The following DPP6 variants were observed in gnomAD, a reference collection of about 807,000 sequenced individuals.
The protein encoded by DPP6 is dipeptidyl peptidase like 6.
DPP6 carries 69 observed loss-of-function variants against 122.6 expected under a neutral mutation model. The ratio of observed to expected loss-of-function variants is 0.56; its 90% confidence interval spans 0.46 to 0.69. The LOEUF (loss-of-function observed/expected upper bound fraction) is 0.69, where lower values mean the gene tolerates loss of function less well. DPP6 is among the 30% of genes least tolerant of loss of function. DPP6 has a pLI of 0.00. For missense variants in DPP6, 928 were observed against 1,116.9 expected, an observed-to-expected ratio of 0.83 and a Z score of 2.41; for synonymous variants, 418 against 433.1, an observed-to-expected ratio of 0.97 and a Z score of 0.43.
the DPP6 span, among the ~76,000 whole-genome samples, chr7:153,815,011 G>C: frequency 6.6e-6 from 1 of 152,170 alleles, no homozygotes; most frequent in Admixed American, 6.5e-5. Context: ...CATACTGAAT[G>C]GACAAAAACT....
chr7:154,228,591 A>G (rs559255449), intron 1 of DPP6, among the ~76,000 whole-genome samples: 2 of 152,210 alleles, frequency 1.3e-5, no homozygotes, highest in South Asian at 4.1e-4. Flanking sequence ...CATTTTAGTA[A>G]GAACCTAAGA....
chr7:154,081,101 G>C (rs1350022406), intron 1 of DPP6, among the ~76,000 whole-genome samples: 6 of 151,990 alleles, frequency 3.9e-5, no homozygotes, highest in Non-Finnish European at 8.8e-5. Flanking sequence ...CAAGGGAAGA[G>C]GGTGTTGATG....
intron 1 of DPP6, among the ~76,000 whole-genome samples, chr7:154,395,319 A>G (rs1563599053): frequency 6.6e-6 from 1 of 152,206 alleles, no homozygotes; most frequent in Non-Finnish European, 1.5e-5. Context: ...TTGGGGGGAA[A>G]CAAACTTTCA....
intron 1 of DPP6, among the ~76,000 whole-genome samples, chr7:154,061,665 C>A (rs1235223271): frequency 1.4e-5 from 2 of 139,804 alleles, no homozygotes; most frequent in Admixed American, 7.0e-5. Context: ...GCCAACCCCT[C>A]TTCCCCCCCT....
intron 16 of DPP6, among the ~76,000 whole-genome samples, chr7:154,812,278 T>A (rs1310690267): frequency 3.9e-5 from 6 of 152,222 alleles, no homozygotes; most frequent in African/African-American, 7.2e-5. Flanking sequence ...GGCCTTCCAT[T>A]AGGACAGTTT....
At chr7:154,441,715 C>G (rs1371762150) in intron 1 of DPP6, among the ~76,000 whole-genome samples, 2 of 152,180 alleles carry the variant, frequency 1.3e-5, no homozygotes, top group East Asian at 3.9e-4. Flanking sequence ...ATTAAAGCGG[C>G]CTGCATTAGG....
At chr7:154,831,343 C>G (rs1800612889) in intron 16 of DPP6, among the ~76,000 whole-genome samples, 1 of 152,132 alleles carries the variant, frequency 6.6e-6, no homozygotes, top group Non-Finnish European at 1.5e-5. Context: ...TAGAGACCCT[C>G]CCTACTCCAG....
At chr7:153,922,391 T>G (rs1431741983) in intron 1 of DPP6, among the ~76,000 whole-genome samples, 1 of 151,904 alleles carries the variant, frequency 6.6e-6, no homozygotes, top group Non-Finnish European at 1.5e-5. Flanking sequence ...CCCAGCTGCT[T>G]GGGAGGCTAA....
intron 1 of DPP6, among the ~76,000 whole-genome samples, chr7:153,949,048 G>C (rs1802081987): frequency 6.6e-6 from 1 of 152,138 alleles, no homozygotes; most frequent in African/African-American, 2.4e-5. Flanking sequence ...CGACTGAATT[G>C]CTCCAAAATC....
At chr7:154,717,205 A>T (rs758670806) in intron 7 of DPP6, among the ~76,000 whole-genome samples, 3 of 152,208 alleles carry the variant, frequency 2.0e-5, no homozygotes, top group Non-Finnish European at 4.4e-5. Flanking sequence ...ATCAGCTCGA[A>T]CATTTATCAT....
Position 154,603,442 on chromosome 7 carries a change from A to G in DPP6, c.628-34379A>G, listed in dbSNP as rs1034108070. ...AGCACTTTGGGAGGCCGAAGTGGGC[A>G]GATCACCTGAGGTCAGGAGTTCGAG... On this transcript the variant is annotated intron_variant, in intron 5 of 25. Transcript: ENST00000377770. 7.7e-5 allele frequency among the ~76,000 whole-genome samples: 9 copies of G among 117,028 alleles called. 3 individuals carry two copies. Among genetic ancestry groups the G allele is most frequent in the African/African-American group, 2.4e-4 (9 of 36,970 alleles). 76.8% of individuals were successfully genotyped at this position (117,028 alleles called of 152,430 possible).
At chr7:154,187,848 A>AG (rs1422371387) in intron 1 of DPP6, among the ~76,000 whole-genome samples, 1 of 152,052 alleles carries the variant, frequency 6.6e-6, no homozygotes, top group Non-Finnish European at 1.5e-5. Context: ...TAAAAAAAAA[A>AG]CTTCTGATGC....
intron 7 of DPP6, among the ~76,000 whole-genome samples, chr7:154,710,745 C>T (rs897372499): frequency 6.6e-6 from 1 of 152,174 alleles, no homozygotes; most frequent in African/African-American, 2.4e-5. Context: ...ATTCCTGTAT[C>T]CTGGTGAAGT....
At chr7:154,159,285 C>G (rs1187925299) in intron 1 of DPP6, among the ~76,000 whole-genome samples, 1 of 152,200 alleles carries the variant, frequency 6.6e-6, no homozygotes, top group Non-Finnish European at 1.5e-5. Flanking sequence ...TCAGTTCCAC[C>G]AAACCAGCCA....
At chr7:154,165,069 A>C (rs1416415338) in intron 1 of DPP6, among the ~76,000 whole-genome samples, 1 of 151,216 alleles carries the variant, frequency 6.6e-6, no homozygotes, top group Non-Finnish European at 1.5e-5. Context: ...GGTTAGTTAC[A>C]TATGTATACA....
chr7:153,768,363 C>T, the DPP6 span, among the ~76,000 whole-genome samples: 2 of 151,904 alleles, frequency 1.3e-5, no homozygotes, highest in African/African-American at 4.8e-5. Flanking sequence ...TCAGGAAGTG[C>T]ATTTGTAAGG....
chr7:154,436,215 C>T (rs1373553068), intron 1 of DPP6, among the ~76,000 whole-genome samples: 1 of 151,060 alleles, frequency 6.6e-6, no homozygotes, highest in Non-Finnish European at 1.5e-5. Flanking sequence ...TTGTGCCTGT[C>T]TGTCCAGCTT....
At chr7:154,571,115 T>C (rs1446254598) in intron 5 of DPP6, among the ~76,000 whole-genome samples, 1 of 152,206 alleles carries the variant, frequency 6.6e-6, no homozygotes, top group Non-Finnish European at 1.5e-5. Flanking sequence ...CTGAATATTC[T>C]CTTGAAATTA....
chr7:154,864,726 T>C (rs76192992), intron 17 of DPP6, among the ~76,000 whole-genome samples: 3,113 of 152,334 alleles, frequency 0.02, 110 homozygotes, highest in African/African-American at 0.071. Context: ...CTAAATTTAA[T>C]AGTCTGTTGC....
Sources: allele counts gnomAD v4.1 joint callset (sites outside exome capture counted in the v4.1 genomes callset), GRCh38; gene constraint gnomAD v4.1.1; transcripts MANE v1.5; gene names NCBI Gene and HGNC (gene_info 2026-07-23, HGNC 2026-07-21).